The following SEC14L3 variants were observed in gnomAD, a reference collection of about 807,000 sequenced individuals.
SEC14L3 encodes the protein SEC14 like lipid binding 3.
In SEC14L3, 56 loss-of-function variants were observed where a neutral mutation model predicts 57.4. The observed-to-expected ratio is 0.97, with a 90% CI of 0.79 to 1.22. The LOEUF (loss-of-function observed/expected upper bound fraction) is 1.22, where lower values mean the gene tolerates loss of function less well. SEC14L3 is among the 50% of genes most tolerant of loss of function. The probability of loss-of-function intolerance (pLI) is 0.00; values close to 1 mark genes in which losing one functional copy is unlikely to be tolerated. For synonymous variants in SEC14L3, 173 were observed against 194.4 expected, an observed-to-expected ratio of 0.89 and a Z score of 0.92; for missense variants, 485 against 511.7, an observed-to-expected ratio of 0.95 and a Z score of 0.50.
chr22:30,454,255 G>C (rs760243894), downstream of SEC14L3, among the ~76,000 whole-genome samples: 2 of 151,942 alleles, frequency 1.3e-5, no homozygotes, highest in Admixed American at 6.6e-5. Context: ...GAAGGCACTC[G>C]AGGTCTTCCA....
chr22:30,468,853 G>A (rs1398802008), intron 4 of SEC14L3, 157 bp from the exon 5 acceptor site: 27 of 1,553,882 alleles, frequency 1.7e-5, no homozygotes, highest in African/African-American at 2.7e-5. Context: ...AGAAAGCTGA[G>A]GTCCTGCAGG....
chr22:30,470,324 T>C, intron 2 of SEC14L3, 69 bp from the exon 3 acceptor site: 1 of 1,596,268 alleles, frequency 6.3e-7, no homozygotes, highest in South Asian at 1.1e-5. Context: ...CAGTGGGAGC[T>C]ATGGAGGACA....
intron 1 of SEC14L3, among the ~76,000 whole-genome samples, chr22:30,470,921 G>A (rs73392146): frequency 9.8e-4 from 149 of 152,258 alleles, no homozygotes; most frequent in African/African-American, 3.4e-3. Flanking sequence ...AGGAGAGATG[G>A]GTGGGTGATT....
Position 30,459,327 on chromosome 22 carries a change from T to C in SEC14L3, c.*694A>G. ...AGCTATGTGCAACAAGGGAAGTGGG[T>C]TAGGGTGGGAAGCTGAGCGTGCAAG... On this transcript the variant is annotated 3_prime_UTR_variant, in exon 12 of 12. Transcript: ENST00000215812. The C allele has an allele frequency of 2.0e-6, 2 of 985,386 alleles. No homozygotes were observed. Among genetic ancestry groups the C allele is most frequent in the Non-Finnish European group, 2.4e-6 (2 of 829,928 alleles). 61.0% of individuals were successfully genotyped at this position (985,386 alleles called of 1,614,324 possible).
chr22:30,456,135 C>T (rs1353228236), downstream of SEC14L3, among the ~76,000 whole-genome samples: 1 of 151,952 alleles, frequency 6.6e-6, no homozygotes, highest in Middle Eastern at 3.2e-3. Context: ...TCCATCTCTA[C>T]TAAAAATACA....
intron 12 of SEC14L3, among the ~76,000 whole-genome samples, chr22:30,450,563 A>C (rs1601806181): frequency 1.3e-5 from 2 of 152,208 alleles, no homozygotes; most frequent in African/African-American, 4.8e-5. Context: ...TCTGCCTTCC[A>C]AAGTGCTGGG....
chr22:30,462,336 G>A (rs1935295520), intron 8 of SEC14L3, 144 bp from the exon 9 acceptor site: 1 of 1,264,534 alleles, frequency 7.9e-7, no homozygotes, highest in Non-Finnish European at 1.1e-6. Context: ...CCTAGGCCTG[G>A]GGCTACAGTA....
chr22:30,455,013 TA>T (rs1306003072), downstream of SEC14L3, among the ~76,000 whole-genome samples: 2 of 73,764 alleles, frequency 2.7e-5, no homozygotes, highest in African/African-American at 1.3e-4. Context: ...AGATGTATAA[TA>T]TATTATATAT....
At chr22:30,458,941 A>G (rs1935167806), downstream of SEC14L3, among the ~76,000 whole-genome samples, 1 of 152,156 alleles carries the variant, frequency 6.6e-6, no homozygotes. Context: ...AGAGGTCAAG[A>G]CTGCAGTGAG....
chr22:30,470,707 T>C, intron 1 of SEC14L3, 125 bp from the exon 2 acceptor site: 1 of 1,521,208 alleles, frequency 6.6e-7, no homozygotes, highest in Non-Finnish European at 8.8e-7. Context: ...GATGAAAGGA[T>C]GGGTTAATGG....
At position 30,449,353 on chromosome 22, in the gene SEC14L3, A is replaced by T. The variant is rs1019941610; in HGVS notation, c.905-109T>A. Reference sequence around the variant, plus strand: ...GGCATATGCTAAGTTAGTGTTTTATAAAATAGGATTCTATGTGTCATTCTA... The same window carrying T: ...GGCATATGCTAAGTTAGTGTTTTATTAAATAGGATTCTATGTGTCATTCTA... On this transcript the variant is annotated intron_variant, in intron 12 of 12. Coordinates refer to the SEC14L3 transcript ENST00000403066. The T allele has an allele frequency of 2.5e-5, 35 of 1,401,988 alleles. No individual in the cohort carries two copies. In the African/African-American group the frequency reaches 4.3e-4, roughly 17 times the overall value. 86.8% of individuals were successfully genotyped at this position (1,401,988 alleles called of 1,614,324 possible). A position where few individuals can be genotyped will look rare whatever the true frequency, so the allele number is the denominator to read the frequency against.
chr22:30,464,905 T>C lies in SEC14L3; in HGVS notation c.581-2A>G. 2 of 1,613,814 alleles carry C rather than the reference T, an allele frequency of 1.2e-6. No homozygotes were observed. The highest frequency in any genetic ancestry group is 1.3e-5 in the African/African-American group (1 of 75,014). ...AGCCCACAGGGAACAGTTTGGTAGCTGGAGAGATAGAAGTAAGGATAATGG... is the reference window on the plus strand; with the variant it reads ...AGCCCACAGGGAACAGTTTGGTAGCCGGAGAGATAGAAGTAAGGATAATGG... On this transcript the variant is annotated splice_acceptor_variant, in intron 7 of 11. Coordinates refer to ENST00000215812, the MANE Select transcript of SEC14L3 (RefSeq NM_174975.5). LOFTEE classifies it high-confidence loss of function.
At chr22:30,469,098 C>A in intron 4 of SEC14L3, 1 of 550,884 alleles carries the variant, frequency 1.8e-6, no homozygotes, top group South Asian at 3.6e-5. Flanking sequence ...CAGATGGGAT[C>A]TCCTGAGGCC....
chr22:30,459,285 A>T lies in SEC14L3; in HGVS notation c.*736T>A, dbSNP rs1443224462. 2.4e-5 allele frequency: 24 copies of T among 985,290 alleles called. No individual in the cohort carries two copies. Among genetic ancestry groups the T allele is most frequent in the Non-Finnish European group, 2.8e-5 (23 of 829,934 alleles). 61.0% of individuals were successfully genotyped at this position (985,290 alleles called of 1,614,324 possible). A position where few individuals can be genotyped will look rare whatever the true frequency, so the allele number is the denominator to read the frequency against. On this transcript the variant is annotated 3_prime_UTR_variant, in exon 12 of 12. Transcript: ENST00000215812. ...AGATGTGACTGCCTTTGCTTCCAGG[A>T]AAGTCCCTAAAACATAAGCTATGTG...
intron 4 of SEC14L3, chr22:30,469,070 C>G: frequency 1.1e-6 from 1 of 905,330 alleles, no homozygotes; most frequent in Non-Finnish European, 1.5e-6. Context: ...GTAATCCCAG[C>G]TACTCAGGAG....
intron 2 of SEC14L3, 94 bp from the exon 3 acceptor site, chr22:30,470,349 G>T (rs141634533): frequency 6.3e-7 from 1 of 1,589,134 alleles, no homozygotes; most frequent in African/African-American, 1.3e-5. Flanking sequence ...GGGCCTGGGT[G>T]AGACCTTGCT....
At chr22:30,466,478 T>C in intron 6 of SEC14L3, 84 bp from the exon 7 acceptor site, 1 of 1,599,120 alleles carries the variant, frequency 6.3e-7, no homozygotes, top group Non-Finnish European at 8.5e-7. Context: ...TGTTGGGAGG[T>C]TTCAGATGGC....
chr22:30,456,915 A>C (rs1368548607), downstream of SEC14L3, among the ~76,000 whole-genome samples: 1 of 152,188 alleles, frequency 6.6e-6, no homozygotes, highest in African/African-American at 2.4e-5. Context: ...GCGGATGCTG[A>C]TGGGCACTTT....
chr22:30,462,042 T>C (rs966688983), intron 9 of SEC14L3, 44 bp downstream of exon 9: 2 of 1,586,796 alleles, frequency 1.3e-6, no homozygotes, highest in Admixed American at 3.4e-5. Context: ...GGAATCCAGC[T>C]TAATTCTTGA....
Sources: allele counts gnomAD v4.1 joint callset (sites outside exome capture counted in the v4.1 genomes callset), GRCh38; gene constraint gnomAD v4.1.1; transcripts MANE v1.5; gene names NCBI Gene and HGNC (gene_info 2026-07-23, HGNC 2026-07-21).